The following LIMCH1 variants were observed in gnomAD, a reference collection of about 807,000 sequenced individuals.
The protein encoded by LIMCH1 is LIM and calponin homology domains 1, also known as LIM and calponin homology domains-containing protein 1.
Under a neutral mutation model 176.5 loss-of-function variants are expected in LIMCH1, and 113 were observed. The observed-to-expected ratio is 0.64, with a 90% confidence interval of 0.55 to 0.75. LIMCH1 has a LOEUF of 0.75. Ranked by LOEUF, LIMCH1 falls within the 30% of genes least tolerant of loss-of-function variation. The pLI, the probability that LIMCH1 is intolerant of heterozygous loss-of-function variation, is 0.00. For missense variants in LIMCH1, 1,674 were observed against 1,814.9 expected (o/e 0.92, Z 1.41); for synonymous variants, 619 against 645.9 (o/e 0.96, Z 0.63).
chr4:41,612,815 T>C, intron 4 of LIMCH1: 2 of 1,113,180 alleles, frequency 1.8e-6, no homozygotes, highest in Non-Finnish European at 2.5e-6. Context: ...TTCTGAGGCA[T>C]CAGGAAAAGC....
At position 41,680,081 on chromosome 4, in the gene LIMCH1, C is replaced by T. The variant is rs756189356; in HGVS notation, c.3595C>T (p.Arg1199Cys). The change falls in exon 24 of 32, where the codon CGC (arginine) becomes TGC (cysteine). Residue 1199 changes from arginine (R) to cysteine (C), a missense_variant. This residue lies in a region of LIMCH1 where 1,015 missense variants were observed against 1,102.5 expected (regional missense o/e 0.92). Transcript: ENST00000503057. Reference sequence around the variant, plus strand: ...CCAAAAGGAGGTGGAAGAGGAAGAACGCAGATACTATGAGGAGGTAGGAAA... The same window carrying T: ...CCAAAAGGAGGTGGAAGAGGAAGAATGCAGATACTATGAGGAGGTAGGAAA... ...KAQKEVEEEE[R>C]RYYEEERKII... 55 of 1,605,580 alleles carry T rather than the reference C, an allele frequency of 3.4e-5. No individual in the cohort carries two copies. The highest frequency in any genetic ancestry group is 3.6e-5 in the Non-Finnish European group (42 of 1,175,756).
intron 1 of LIMCH1, among the ~76,000 whole-genome samples, chr4:41,442,862 C>T (rs2062846250): frequency 6.6e-6 from 1 of 152,022 alleles, no homozygotes. Flanking sequence ...ACAATAATTG[C>T]TGGAAAACTA....
intron 31 of LIMCH1, chr4:41,692,998 G>A (rs752180614): frequency 6.6e-6 from 1 of 152,212 alleles, no homozygotes; most frequent in Non-Finnish European, 1.5e-5. Context: ...TTGCTTTCCC[G>A]TCTTGCATCC....
chr4:41,415,734 T>G (rs1437740498), intron 1 of LIMCH1, among the ~76,000 whole-genome samples: 1 of 152,112 alleles, frequency 6.6e-6, no homozygotes, highest in Non-Finnish European at 1.5e-5. Flanking sequence ...TCCCAGCACT[T>G]TGGGAGGTCA....
At chr4:41,433,676 C>CTT (rs35230578) in intron 1 of LIMCH1, among the ~76,000 whole-genome samples, 16 of 130,260 alleles carry the variant, frequency 1.2e-4, no homozygotes, top group Non-Finnish European at 2.1e-4. Context: ...TGTTAGTCTT[C>CTT]TTTTTTTTTT....
intron 1 of LIMCH1, among the ~76,000 whole-genome samples, chr4:41,399,685 C>CTTTTTTTTTTTTTTTTTTTTTTTTTTT: frequency 1.0e-5 from 1 of 95,788 alleles, no homozygotes; most frequent in Non-Finnish European, 1.9e-5. Flanking sequence ...GGTGGATACT[C>CTTTTTTTTTTTTTTTTTTTTTTTTTTT]TTTTTTTTTT....
At chr4:41,657,295 A>C (rs2094491189) in intron 18 of LIMCH1, among the ~76,000 whole-genome samples, 1 of 152,244 alleles carries the variant, frequency 6.6e-6, no homozygotes, top group Non-Finnish European at 1.5e-5. Context: ...GTCAGAAAAC[A>C]CATTTTTCCA....
At chr4:41,442,729 G>C (rs976252280) in intron 1 of LIMCH1, among the ~76,000 whole-genome samples, 23 of 152,206 alleles carry the variant, frequency 1.5e-4, no homozygotes, top group Admixed American at 1.2e-3. Context: ...TAATGATGCA[G>C]TATGGAAATT....
At chr4:41,458,871 A>G (rs142608573) in intron 1 of LIMCH1, among the ~76,000 whole-genome samples, 71 of 151,986 alleles carry the variant, frequency 4.7e-4, no homozygotes, top group Admixed American at 9.2e-4. Flanking sequence ...AGGAACTGAC[A>G]GTGTTTAAAT....
At chr4:41,478,745 A>G (rs957780803) in intron 1 of LIMCH1, among the ~76,000 whole-genome samples, 1 of 152,158 alleles carries the variant, frequency 6.6e-6, no homozygotes, top group Admixed American at 6.5e-5. Context: ...TCCCATCCTC[A>G]TTGGTAACGT....
At chr4:41,680,499 T>C (rs1714845521) in intron 24 of LIMCH1, among the ~76,000 whole-genome samples, 1 of 152,208 alleles carries the variant, frequency 6.6e-6, no homozygotes, top group African/African-American at 2.4e-5. Flanking sequence ...ATTTACTATA[T>C]AGCACTAAAG....
intron 1 of LIMCH1, among the ~76,000 whole-genome samples, chr4:41,447,322 C>A (rs1049554827): frequency 6.6e-6 from 1 of 152,150 alleles, no homozygotes; most frequent in Non-Finnish European, 1.5e-5. Context: ...TGAGAAAAGA[C>A]AAGGACTTTT....
chr4:41,550,024 A>T (rs1419568181), intron 1 of LIMCH1, among the ~76,000 whole-genome samples: 1 of 151,730 alleles, frequency 6.6e-6, no homozygotes, highest in Non-Finnish European at 1.5e-5. Flanking sequence ...ATAAAAAGTA[A>T]TGGCGAAAAC....
At chr4:41,360,443 G>A (rs1265324323), upstream of LIMCH1, among the ~76,000 whole-genome samples, 1 of 152,108 alleles carries the variant, frequency 6.6e-6, no homozygotes, top group Non-Finnish European at 1.5e-5. The surrounding 1 kb of genome is among the most constrained non-coding windows in gnomAD (Gnocchi z 4.5). Flanking sequence ...GGGGCGCAGG[G>A]ACGTGCGGGG....
At chr4:41,638,845 A>G in intron 13 of LIMCH1, 87 bp from the exon 14 acceptor site, 2 of 1,088,872 alleles carry the variant, frequency 1.8e-6, no homozygotes, top group East Asian at 2.4e-5. Context: ...GCGCACATGT[A>G]TTTCACCGGC....
rs951762216 is a variant in LIMCH1, at chr4:41,472,931, A to T, written c.97-21605A>T. ...TCCACATCACATCTCTTAACATCCCATGGAGCTAGGATTCTGCAGAAAACA... is the reference window on the plus strand; with the variant it reads ...TCCACATCACATCTCTTAACATCCCTTGGAGCTAGGATTCTGCAGAAAACA... On this transcript the variant is annotated intron_variant, in intron 1 of 26. Coordinates refer to the LIMCH1 transcript ENST00000313860. The T allele has an allele frequency of 1.0e-5, 7 of 692,016 alleles. 1 individual carries two copies. The highest frequency in any genetic ancestry group is 7.1e-4 in the Middle Eastern group (1 of 1,400). 42.9% of individuals were successfully genotyped at this position (692,016 alleles called of 1,614,324 possible).
chr4:41,406,678 A>T (rs1025991715), intron 1 of LIMCH1, among the ~76,000 whole-genome samples: 2 of 152,202 alleles, frequency 1.3e-5, no homozygotes, highest in African/African-American at 4.8e-5. Context: ...CCAGCAGTGA[A>T]TTACAGTGTC....
At chr4:41,667,606 C>T (rs891502126) in intron 21 of LIMCH1, among the ~76,000 whole-genome samples, 3 of 152,092 alleles carry the variant, frequency 2.0e-5, no homozygotes, top group African/African-American at 7.2e-5. Flanking sequence ...ACTGAAAATT[C>T]CCCAAGTACT....
intron 2 of LIMCH1, among the ~76,000 whole-genome samples, chr4:41,501,288 A>G (rs2073222142): frequency 1.3e-5 from 2 of 152,208 alleles, no homozygotes; most frequent in South Asian, 2.1e-4. Context: ...ACCATTTTCT[A>G]TCTGATCTGA....
Sources: gnomAD v4.1 joint callset for allele counts (sites outside exome capture counted in the v4.1 genomes callset) on GRCh38, gnomAD v4.1.1 for gene constraint, gnomAD v4.1.1 regional missense constraint, Gnocchi (gnomAD v3.1) non-coding constraint, MANE v1.5 for transcripts, NCBI Gene and HGNC (gene_info 2026-07-23, HGNC 2026-07-21) for gene names.